PLAAT1: variants seen among roughly 807,000 people sequenced by gnomAD.
The protein encoded by PLAAT1 is phospholipase A and acyltransferase 1.
In PLAAT1, 13 loss-of-function variants were observed where a neutral mutation model predicts 16.4. The ratio of observed to expected loss-of-function variants is 0.79; its 90% CI spans 0.52 to 1.26. The LOEUF (loss-of-function observed/expected upper bound fraction) is 1.26, where lower values mean the gene tolerates loss of function less well. Ranked by LOEUF, PLAAT1 falls within the 50% of genes most tolerant of loss-of-function variation. The pLI, the probability that PLAAT1 is intolerant of heterozygous loss-of-function variation, is 0.00. For missense variants in PLAAT1, 218 were observed against 207.8 expected (o/e 1.05, Z -0.30); for synonymous variants, 73 against 78.4 (o/e 0.93, Z 0.36).
chr3:193,254,957 G>A (rs987049723), intron 1 of PLAAT1, among the ~76,000 whole-genome samples: 2 of 152,150 alleles, frequency 1.3e-5, no homozygotes, highest in Non-Finnish European at 2.9e-5. Flanking sequence ...ATCCATCTGA[G>A]CCTGGAACCC....
chr3:193,276,691 C>T, intron 2 of PLAAT1: 2 of 1,257,758 alleles, frequency 1.6e-6, no homozygotes, highest in Non-Finnish European at 1.1e-6. Context: ...TAAGCACCTG[C>T]TGAAAATGAG....
chr3:193,263,289 A>G, intron 3 of PLAAT1, 54 bp downstream of exon 3: 4 of 1,542,990 alleles, frequency 2.6e-6, no homozygotes, highest in South Asian at 1.2e-5. Context: ...ACTATTGGCT[A>G]TGATAAGGTT....
chr3:193,274,398 A>G (rs1717090673), downstream of PLAAT1, among the ~76,000 whole-genome samples: 1 of 152,250 alleles, frequency 6.6e-6, no homozygotes, highest in Non-Finnish European at 1.5e-5. Flanking sequence ...ACACTGAGTG[A>G]TGCCAAACTT....
chr3:193,255,911 C>T (rs949988726), intron 2 of PLAAT1, 122 bp downstream of exon 2: 13 of 898,512 alleles, frequency 1.4e-5, no homozygotes, highest in Non-Finnish European at 1.9e-5. Context: ...CAGATAAATC[C>T]AACTAATCTA....
At chr3:193,265,412 C>T (rs753832580) in intron 3 of PLAAT1, among the ~76,000 whole-genome samples, 18 of 152,090 alleles carry the variant, frequency 1.2e-4, no homozygotes, top group African/African-American at 1.2e-4. Flanking sequence ...ATTATTTCAT[C>T]GATATGAGAT....
chr3:193,262,949 A>C (rs750012762), intron 2 of PLAAT1, 21 bp from the exon 3 acceptor site: 3 of 1,612,920 alleles, frequency 1.9e-6, no homozygotes, highest in Non-Finnish European at 2.5e-6. Flanking sequence ...ATACCTTACT[A>C]ACCAGAATTC....
chr3:193,266,772 C>T (rs544727494), intron 3 of PLAAT1, among the ~76,000 whole-genome samples: 19 of 152,176 alleles, frequency 1.2e-4, no homozygotes, highest in Admixed American at 7.2e-4. Context: ...TTTTATAGAT[C>T]GTTGTTAGCA....
intron 1 of PLAAT1, among the ~76,000 whole-genome samples, chr3:193,242,135 T>C (rs1715784620): frequency 6.6e-6 from 1 of 151,752 alleles, no homozygotes; most frequent in Non-Finnish European, 1.5e-5. Flanking sequence ...TTTTTTTTTT[T>C]CTCATCAGCT....
chr3:193,279,538 G>T (rs1233027538), downstream of PLAAT1: 25 of 1,059,878 alleles, frequency 2.4e-5, no homozygotes, highest in Admixed American at 1.9e-4. Flanking sequence ...AATTATCTCT[G>T]TTGGGCAAAT....
chr3:193,259,649 C>G (rs1716511707), intron 2 of PLAAT1, among the ~76,000 whole-genome samples: 1 of 151,952 alleles, frequency 6.6e-6, no homozygotes. Flanking sequence ...AATAAAATAC[C>G]TAGGAATACA....
chr3:193,265,605 A>G (rs1044892412), intron 3 of PLAAT1, among the ~76,000 whole-genome samples: 3 of 152,324 alleles, frequency 2.0e-5, no homozygotes, highest in Admixed American at 1.3e-4. Context: ...GAACTACATT[A>G]TTTCAGTGGG....
intron 1 of PLAAT1, among the ~76,000 whole-genome samples, chr3:193,244,610 C>T (rs568490713): frequency 4.6e-5 from 7 of 152,042 alleles, no homozygotes; most frequent in African/African-American, 1.7e-4. Context: ...ATGCCAAAAA[C>T]TAAGTAATTT....
chr3:193,262,295 G>T (rs1716611926), intron 2 of PLAAT1, among the ~76,000 whole-genome samples: 1 of 151,722 alleles, frequency 6.6e-6, no homozygotes, highest in African/African-American at 2.4e-5. Context: ...GCCATGTCTG[G>T]TAGACAGTGC....
Position 193,263,034 on chromosome 3 carries a change from G to A in PLAAT1, c.204G>A (p.Met68Ile), listed in dbSNP as rs777256887. Residue 68 changes from methionine to isoleucine, a missense_variant, in exon 3 of 4, where the codon ATG (methionine) becomes ATA (isoleucine). Transcript: ENST00000264735. ...TCAGCAGTAAGGCCCTGGTGAAAAT[G>A]CAGCTCTTGAAGGATGTTGTGGGAA... is the stretch of plus-strand genomic sequence containing the variant. ...SVFSSKALVK[M>I]QLLKDVVGND... The A allele has an allele frequency of 2.5e-6, 4 of 1,614,018 alleles. No homozygotes were observed. Among genetic ancestry groups the A allele is most frequent in the Admixed American group, 3.3e-5 (2 of 59,990 alleles).
At chr3:193,281,308 T>A, downstream of PLAAT1, 1 of 556,062 alleles carries the variant, frequency 1.8e-6, no homozygotes, top group Non-Finnish European at 2.3e-6. Context: ...CATCACTGTC[T>A]AATGGTCTAA....
rs190174675 is a variant in PLAAT1, at chr3:193,277,176, A to G, written c.*60-460A>G. Among the ~76,000 whole-genome samples, 14 of 152,306 alleles carry G rather than the reference A, an allele frequency of 9.2e-5. No individual in the cohort carries two copies. The East Asian group carries it at 2.5e-3, about 27-fold the overall frequency. ...TCAAACAGAAGGCTAAGATTAAATC[A>G]TTCATCAAATAATGTTAATATTTCC... is the stretch of plus-strand genomic sequence containing the variant. On this transcript the variant is annotated intron_variant and NMD_transcript_variant, in intron 2 of 2. Transcript: ENST00000416012.
At chr3:193,248,490 G>A (rs949540257) in intron 1 of PLAAT1, among the ~76,000 whole-genome samples, 1 of 151,856 alleles carries the variant, frequency 6.6e-6, no homozygotes, top group African/African-American at 2.4e-5. Flanking sequence ...TTTGTTTTCT[G>A]TTTTCCTCTC....
chr3:193,272,393 G>T (rs1717010153), downstream of PLAAT1, among the ~76,000 whole-genome samples: 1 of 152,134 alleles, frequency 6.6e-6, no homozygotes. Context: ...AGTGAGCCGA[G>T]ATCACTCCAC....
intron 1 of PLAAT1, among the ~76,000 whole-genome samples, chr3:193,250,924 C>T (rs1487171826): frequency 2.0e-5 from 3 of 151,994 alleles, no homozygotes; most frequent in African/African-American, 7.3e-5. Flanking sequence ...GAGTGCCATC[C>T]CTCCCATTCT....
Sources: gnomAD v4.1 joint callset for allele counts (sites outside exome capture counted in the v4.1 genomes callset) on GRCh38, gnomAD v4.1.1 for gene constraint, MANE v1.5 for transcripts, NCBI Gene and HGNC (gene_info 2026-07-23, HGNC 2026-07-21) for gene names.